KCNMA1: variants seen among roughly 807,000 people sequenced by gnomAD.
The protein encoded by KCNMA1 is potassium calcium-activated channel subfamily M alpha 1, also known as Calcium-activated potassium channel subunit alpha-1.
In KCNMA1, 29 loss-of-function variants were observed where a neutral mutation model predicts 140.0. That is an observed-to-expected ratio of 0.21 (90% CI 0.15 to 0.28). The LOEUF (loss-of-function observed/expected upper bound fraction) is 0.28. Ranked by LOEUF, KCNMA1 falls within the 10% of genes least tolerant of loss-of-function variation. The pLI is 1.00. For missense variants in KCNMA1, 880 were observed against 1,602.2 expected (o/e 0.55, Z 7.70); for synonymous variants, 612 against 611.9 (o/e 1.00, Z 0.00).
chr10:77,373,229 T>A (rs961425073), intron 2 of KCNMA1, among the ~76,000 whole-genome samples: 1 of 152,212 alleles, frequency 6.6e-6, no homozygotes, highest in Non-Finnish European at 1.5e-5. Context: ...ATTTTTGACA[T>A]GTCCACATTC....
At chr10:77,181,008 C>T (rs2098798499) in intron 5 of KCNMA1, among the ~76,000 whole-genome samples, 1 of 152,150 alleles carries the variant, frequency 6.6e-6, no homozygotes, top group African/African-American at 2.4e-5. Flanking sequence ...GAACGTGTCA[C>T]TCACCACAAG....
intron 2 of KCNMA1, among the ~76,000 whole-genome samples, chr10:77,321,003 T>A (rs1191318850): frequency 6.6e-6 from 1 of 152,154 alleles, no homozygotes; most frequent in East Asian, 1.9e-4. Context: ...ACATCCCCCA[T>A]CAAAATATGT....
chr10:77,573,515 C>A (rs183445917), intron 1 of KCNMA1, among the ~76,000 whole-genome samples: 2 of 152,076 alleles, frequency 1.3e-5, no homozygotes, highest in Admixed American at 6.6e-5. Flanking sequence ...AGCAGGAGAG[C>A]TGGACTACAA....
intron 2 of KCNMA1, among the ~76,000 whole-genome samples, chr10:77,373,245 T>A (rs2094862253): frequency 6.6e-6 from 1 of 152,184 alleles, no homozygotes; most frequent in Non-Finnish European, 1.5e-5. Flanking sequence ...CATTCTAGAT[T>A]TGTATGAGTC....
intron 25 of KCNMA1, 105 bp from the exon 26 acceptor site, chr10:76,891,824 G>T (rs899334326): frequency 4.6e-6 from 4 of 875,948 alleles, no homozygotes; most frequent in African/African-American, 3.3e-5. Flanking sequence ...CCTGTTTAAA[G>T]TTCTGGCCTG....
chr10:77,140,698 C>G (rs1292276166), intron 5 of KCNMA1: 1 of 152,234 alleles, frequency 6.6e-6, no homozygotes, highest in African/African-American at 2.4e-5. Context: ...TCCTCCCTCA[C>G]CCTCCAGTCC....
At chr10:77,525,969 G>A (rs1372943593) in intron 1 of KCNMA1, among the ~76,000 whole-genome samples, 1 of 152,176 alleles carries the variant, frequency 6.6e-6, no homozygotes, top group East Asian at 1.9e-4. Context: ...TTTGGTCAAT[G>A]AGAAAAATGG....
chr10:77,021,857 G>C (rs891106319), intron 16 of KCNMA1, among the ~76,000 whole-genome samples: 1 of 152,150 alleles, frequency 6.6e-6, no homozygotes, highest in African/African-American at 2.4e-5. Context: ...TTGAAATAAT[G>C]AAAGAAAGAA....
chr10:77,134,965 T>C, intron 5 of KCNMA1, among the ~76,000 whole-genome samples: 1 of 104,544 alleles, frequency 9.6e-6, no homozygotes, highest in African/African-American at 3.8e-5. Context: ...GCCACCGCAC[T>C]CCAGCCTGGG....
At chr10:77,554,665 G>C (rs1005010486) in intron 1 of KCNMA1, among the ~76,000 whole-genome samples, 1 of 150,410 alleles carries the variant, frequency 6.6e-6, no homozygotes, top group African/African-American at 2.4e-5. Flanking sequence ...AAACACTTTT[G>C]AAATTTGGAA....
At position 77,623,861 on chromosome 10, in the gene KCNMA1, C is replaced by G. The variant is rs150344538; in HGVS notation, c.378+13404G>C. Among the ~76,000 whole-genome samples the G allele has an allele frequency of 1.3e-4, 20 of 152,316 alleles. No individual in the cohort carries two copies. In the East Asian group the frequency reaches 3.9e-3, roughly 29 times the overall value. On this transcript the variant is annotated intron_variant, in intron 1 of 27. Transcript: ENST00000286628. ...CAACACCCCAAAGCTACCTGGTACT[C>G]TGTGGATTTGTGAAGTGTTAATGTA... is the stretch of plus-strand genomic sequence containing the variant.
intron 19 of KCNMA1, among the ~76,000 whole-genome samples, chr10:76,972,199 G>A (rs1008411613): frequency 1.1e-4 from 16 of 152,138 alleles, no homozygotes; most frequent in Admixed American, 6.5e-5. Flanking sequence ...CACTCTAGTC[G>A]GGGTGCAAGT....
intron 19 of KCNMA1, among the ~76,000 whole-genome samples, chr10:76,992,160 C>T (rs1025640005): frequency 6.6e-6 from 1 of 152,106 alleles, no homozygotes. Context: ...GGAGTTTTTT[C>T]TTGCTGTTTC....
In KCNMA1 at chr10:77,626,767, T is replaced by C. The variant is rs369528010; in HGVS notation, c.378+10498A>G. On this transcript the variant is annotated intron_variant, in intron 1 of 27. Transcript: ENST00000286628. ...TGCTATCAGTTCATTCCACAGAATG[T>C]CTCGTTTGAAGAGCTAAAATTTTCC... is the stretch of plus-strand genomic sequence containing the variant. Among the ~76,000 whole-genome samples, 599 of 152,312 alleles carry C rather than the reference T, an allele frequency of 3.9e-3. 3 individuals are homozygous for C. The highest frequency in any genetic ancestry group is 0.013 in the African/African-American group (558 of 41,572).
intron 2 of KCNMA1, among the ~76,000 whole-genome samples, chr10:77,389,279 T>C (rs2095723878): frequency 6.6e-6 from 1 of 152,150 alleles, no homozygotes; most frequent in Non-Finnish European, 1.5e-5. Context: ...GCTCCAGAAA[T>C]AAAAAATGAC....
At chr10:77,593,622 AC>A (rs1476140404) in intron 1 of KCNMA1, among the ~76,000 whole-genome samples, 8 of 152,198 alleles carry the variant, frequency 5.3e-5, no homozygotes. Context: ...CCTCATAAGA[AC>A]CCAGTGAAAG....
At chr10:77,268,107 T>C (rs1220837912) in intron 2 of KCNMA1, among the ~76,000 whole-genome samples, 1 of 152,194 alleles carries the variant, frequency 6.6e-6, no homozygotes, top group East Asian at 1.9e-4. Context: ...TCATCCAATT[T>C]AAGTTGCACT....
intron 3 of KCNMA1, among the ~76,000 whole-genome samples, chr10:77,201,762 A>G (rs2042558901): frequency 6.6e-6 from 1 of 152,188 alleles, no homozygotes; most frequent in South Asian, 2.1e-4. Flanking sequence ...AGAGTTCTGT[A>G]TACTGACTGG....
intron 19 of KCNMA1, chr10:76,970,518 G>A: frequency 4.3e-6 from 1 of 230,146 alleles, no homozygotes; most frequent in Non-Finnish European, 8.7e-6. Flanking sequence ...TTCTCCAGAT[G>A]AACCAACTTA....
Sources: gnomAD v4.1 joint callset for allele counts (sites outside exome capture counted in the v4.1 genomes callset) on GRCh38, gnomAD v4.1.1 for gene constraint, MANE v1.5 for transcripts, NCBI Gene and HGNC (gene_info 2026-07-23, HGNC 2026-07-21) for gene names.